The following ZNF420 variants were observed in gnomAD, a reference collection of about 807,000 sequenced individuals.
ZNF420 encodes zinc finger protein 420, also known as ATM and p53-associated KZNF protein.
In ZNF420, 31 loss-of-function variants were observed where a neutral mutation model predicts 44.7. The observed-to-expected ratio is 0.69, with a 90% CI of 0.52 to 0.94. The LOEUF (loss-of-function observed/expected upper bound fraction) is 0.94. Among genes scored for constraint, ZNF420 ranks in the 40% least tolerant of loss-of-function variants. The probability of loss-of-function intolerance (pLI) is 0.00; values close to 1 mark genes in which losing one functional copy is unlikely to be tolerated. For missense variants in ZNF420, 681 were observed against 827.9 expected (o/e 0.82, Z 2.18); for synonymous variants, 245 against 267.4 (o/e 0.92, Z 0.82).
intron 1 of ZNF420, among the ~76,000 whole-genome samples, chr19:37,050,341 C>G (rs1208005379): frequency 6.6e-6 from 1 of 152,150 alleles, no homozygotes; most frequent in East Asian, 1.9e-4. Context: ...ATTCTTCCAA[C>G]CCATGAGCAT....
intron 1 of ZNF420, among the ~76,000 whole-genome samples, chr19:37,026,742 G>A (rs952815928): frequency 2.0e-5 from 3 of 152,170 alleles, no homozygotes; most frequent in African/African-American, 4.8e-5. Context: ...GATTACAGGC[G>A]TGAGCCACCA....
At chr19:37,086,263 C>A (rs1351771699) in intron 2 of ZNF420, among the ~76,000 whole-genome samples, 1 of 152,020 alleles carries the variant, frequency 6.6e-6, no homozygotes, top group Non-Finnish European at 1.5e-5. Context: ...TCTGCCTGAC[C>A]CTCTCTGACC....
At chr19:37,046,137 C>A (rs148306441) in intron 1 of ZNF420, among the ~76,000 whole-genome samples, 7 of 152,290 alleles carry the variant, frequency 4.6e-5, no homozygotes, top group Non-Finnish European at 7.4e-5. Flanking sequence ...AGAATTCAAG[C>A]TGAGATTTGG....
chr19:37,025,309 G>A (rs1054507015), intron 1 of ZNF420: 1 of 223,348 alleles, frequency 4.5e-6, no homozygotes, highest in Admixed American at 4.7e-5. Flanking sequence ...TGAGGAGTAA[G>A]GAAAGGGGTA....
chr19:37,120,934 T>C (rs1321573737), intron 4 of ZNF420, among the ~76,000 whole-genome samples: 1 of 152,062 alleles, frequency 6.6e-6, no homozygotes, highest in African/African-American at 2.4e-5. Context: ...GAAGGACCTC[T>C]TCAAGGAGAA....
At chr19:37,012,906 A>C (rs1364530946) in intron 1 of ZNF420, among the ~76,000 whole-genome samples, 1 of 151,658 alleles carries the variant, frequency 6.6e-6, no homozygotes, top group Non-Finnish European at 1.5e-5. Flanking sequence ...TGTTGGGACG[A>C]AAATGTCTTG....
chr19:37,129,007 A>C lies in ZNF420; in HGVS notation c.2016A>C (p.Glu672Asp). The C allele has an allele frequency of 6.2e-7, 1 of 1,613,878 alleles. No individual in the cohort carries two copies. The highest frequency in any genetic ancestry group is 2.2e-5 in the East Asian group (1 of 44,880). The change falls in exon 5 of 5, where the codon GAA becomes GAC. Residue 672 changes from glutamate to aspartate, a missense_variant. By Grantham distance (45) the Glu-to-Asp change is conservative (BLOSUM62 2). Coordinates refer to ENST00000337995, the MANE Select transcript of ZNF420 (RefSeq NM_144689.5). The part of the protein sequence containing the change: ...QRIHISEKSF[E>D]YKECGIDFSH... ...TTCATATCAGTGAGAAATCTTTTGA[A>C]TATAAGGAATGTGGGATTGACTTTA...
intron 1 of ZNF420, among the ~76,000 whole-genome samples, chr19:37,059,304 C>T (rs1194546565): frequency 6.6e-6 from 1 of 152,224 alleles, no homozygotes; most frequent in Non-Finnish European, 1.5e-5. Flanking sequence ...AGCCGCGCCG[C>T]CGCCATTGTT....
intron 4 of ZNF420, among the ~76,000 whole-genome samples, chr19:37,112,330 T>A (rs1199277304): frequency 6.6e-6 from 1 of 152,122 alleles, no homozygotes; most frequent in Non-Finnish European, 1.5e-5. Context: ...CCTCACCCCA[T>A]TGTTGTAATA....
intron 4 of ZNF420, among the ~76,000 whole-genome samples, chr19:37,103,661 T>C (rs187938729): frequency 2.3e-3 from 351 of 152,326 alleles, no homozygotes; most frequent in Non-Finnish European, 3.7e-3. Context: ...ACATGTAACC[T>C]TTTTGTGCCT....
At chr19:37,096,323 G>A (rs1369259936) in intron 4 of ZNF420, among the ~76,000 whole-genome samples, 1 of 151,740 alleles carries the variant, frequency 6.6e-6, no homozygotes, top group Admixed American at 6.6e-5. Context: ...CCAATTTCTG[G>A]GAAACAGGTC....
chr19:37,066,876 A>G (rs1000920578), intron 1 of ZNF420, among the ~76,000 whole-genome samples: 1 of 152,192 alleles, frequency 6.6e-6, no homozygotes, highest in Admixed American at 6.5e-5. Flanking sequence ...AATAGCCAAA[A>G]ACTTGGAAAT....
At chr19:37,091,152 C>T (rs1969122254) in intron 4 of ZNF420, 31 bp downstream of exon 4, 42 of 1,515,740 alleles carry the variant, frequency 2.8e-5, no homozygotes, top group Non-Finnish European at 3.7e-5. Flanking sequence ...ATTTCAGGAT[C>T]TACCTTTGGA....
chr19:37,019,898 G>C (rs994721434), intron 1 of ZNF420, among the ~76,000 whole-genome samples: 1 of 151,734 alleles, frequency 6.6e-6, no homozygotes, highest in South Asian at 2.1e-4. Flanking sequence ...CAGGAGCATC[G>C]CCATCTTGGA....
intron 1 of ZNF420, among the ~76,000 whole-genome samples, chr19:37,033,269 G>A (rs1246437235): frequency 3.3e-5 from 5 of 152,080 alleles, no homozygotes; most frequent in Non-Finnish European, 5.9e-5. Flanking sequence ...ACAATCACAC[G>A]ATTGTACAAC....
intron 4 of ZNF420, among the ~76,000 whole-genome samples, chr19:37,111,945 C>T (rs1162964254): frequency 1.3e-5 from 2 of 151,984 alleles, no homozygotes; most frequent in African/African-American, 4.8e-5. Context: ...AGTTAACATT[C>T]GCCATCTGCT....
intron 1 of ZNF420, among the ~76,000 whole-genome samples, chr19:37,008,699 A>C (rs570278049): frequency 1.3e-5 from 2 of 152,316 alleles, no homozygotes; most frequent in African/African-American, 4.8e-5. Context: ...CTTTCTGGAC[A>C]AGTCACCCGT....
chr19:37,128,701 T>A lies in ZNF420; in HGVS notation c.1710T>A (p.Arg570=). The A allele has an allele frequency of 1.9e-6, 3 of 1,613,976 alleles. No homozygotes were observed. The East Asian group carries it at 6.7e-5, about 36-fold the overall frequency. ...AGGAATGTGGGAAAGCCTTTATTCG[T>A]GGTTCACAGTTGACTCAACATCAGC... is the stretch of plus-strand genomic sequence containing the variant. ...QCKECGKAFI[R]GSQLTQHQRI... Residue 570 remains arginine, a synonymous_variant, in exon 5 of 5, where the codon CGT becomes CGA. Transcript: ENST00000337995.
chr19:37,075,759 A>G (rs1445612285), upstream of ZNF420, among the ~76,000 whole-genome samples: 1 of 151,650 alleles, frequency 6.6e-6, no homozygotes, highest in Non-Finnish European at 1.5e-5. Context: ...AAACAAAAAC[A>G]AAAACAAACA....
Sources: gnomAD v4.1 joint callset for allele counts (sites outside exome capture counted in the v4.1 genomes callset) on GRCh38, gnomAD v4.1.1 for gene constraint, MANE v1.5 for transcripts, NCBI Gene and HGNC (gene_info 2026-07-23, HGNC 2026-07-21) for gene names.